The following NBEAL2 variants were observed in gnomAD, a reference collection of about 807,000 sequenced individuals.
The protein encoded by NBEAL2 is neurobeachin like 2, also known as neurobeachin-like protein 2.
In NBEAL2, 160 loss-of-function variants were observed where a neutral mutation model predicts 299.8. The ratio of observed to expected loss-of-function variants is 0.53; its 90% CI spans 0.47 to 0.61. The LOEUF is 0.61. NBEAL2 is among the 20% of genes least tolerant of loss of function. The pLI is 0.00. For synonymous variants in NBEAL2, 1,493 were observed against 1,542.3 expected (o/e 0.97, Z 0.75); for missense variants, 3,112 against 3,649.0 (o/e 0.85, Z 3.79).
At position 47,004,597 on chromosome 3, in the gene NBEAL2, G is replaced by A. The variant is rs752688960; in HGVS notation, c.6294+7G>A. 1 of 1,612,054 alleles carries A rather than the reference G, an allele frequency of 6.2e-7. No homozygotes were observed. The highest frequency in any genetic ancestry group is 1.7e-5 in the Admixed American group (1 of 60,008). The stretch of plus-strand genomic sequence containing the variant: ...CCTGTCTCAGTACCCTGTGGTGAGG[G>A]TCCCACTCTGCACCCCTCCACCCCT... On this transcript the variant is annotated splice_region_variant and intron_variant, in intron 38 of 53. Coordinates refer to ENST00000450053, the MANE Select transcript of NBEAL2 (RefSeq NM_015175.3). The surrounding 1 kb of genome is among the most constrained non-coding windows in gnomAD (Gnocchi z 5.0).
Position 46,999,884 on chromosome 3 carries a change from T to G in NBEAL2, c.3790-5T>G. ...CGTCCTCACTTGCTGTGCTCTCGCC[T>G]GCAGCTTTTCCACCTCATCTACGGA... On this transcript the variant is annotated splice_polypyrimidine_tract_variant and splice_region_variant and intron_variant, in intron 26 of 53. Transcript: ENST00000450053. The G allele has an allele frequency of 6.2e-7, 1 of 1,603,238 alleles. No individual in the cohort carries two copies. Among genetic ancestry groups the G allele is most frequent in the African/African-American group, 1.3e-5 (1 of 74,876 alleles).
In NBEAL2 at chr3:47,001,543, T is replaced by C; in HGVS notation, c.4644+105T>C. Reference sequence around the variant, plus strand: ...ATGGGTACACGTGCGCAGGTGTGGGTGCATCAGCATGAATGCCTGTGAGTG... The same window carrying C: ...ATGGGTACACGTGCGCAGGTGTGGGCGCATCAGCATGAATGCCTGTGAGTG... On this transcript the variant is annotated intron_variant, in intron 29 of 53. Coordinates refer to ENST00000450053, the MANE Select transcript of NBEAL2 (RefSeq NM_015175.3). The surrounding 1 kb of genome is among the most constrained non-coding windows in gnomAD (Gnocchi z 6.1). 6.5e-7 allele frequency: 1 copy of C among 1,548,266 alleles called. No individual in the cohort carries two copies. The highest frequency in any genetic ancestry group is 8.8e-7 in the Non-Finnish European group (1 of 1,142,774).
At chr3:46,984,481 A>G (rs2035565514) in intron 1 of NBEAL2, among the ~76,000 whole-genome samples, 1 of 152,198 alleles carries the variant, frequency 6.6e-6, no homozygotes, top group Admixed American at 6.5e-5. Flanking sequence ...TCCCTGCCCC[A>G]GCAAAGTCCC....
At chr3:46,985,698 A>G (rs1461850358) in intron 1 of NBEAL2, among the ~76,000 whole-genome samples, 4 of 152,084 alleles carry the variant, frequency 2.6e-5, no homozygotes, top group East Asian at 1.9e-4. Context: ...TCACTTACCT[A>G]TGGACCCTGG....
Position 47,003,193 on chromosome 3 carries a change from C to T in NBEAL2, c.5604C>T (p.Pro1868=). The change falls in exon 35 of 54, where the codon CCC becomes CCT. Residue 1868 remains proline, a synonymous_variant. Coordinates refer to ENST00000450053, the MANE Select transcript of NBEAL2 (RefSeq NM_015175.3). This position sits in a 1 kb window ranked among gnomAD's most constrained non-coding sequence, Gnocchi z 7.0. ...TTGCAGGTGAGGTTCCCCTGACACC[C>T]ACCGAGGAGGCCTCACTGCCTCTGG... ...RDNLGEVPLT[P]TEEASLPLAV... 6.2e-7 allele frequency: 1 copy of T among 1,610,286 alleles called. No individual in the cohort carries two copies.
At position 46,992,552 on chromosome 3, in the gene NBEAL2, A is replaced by C. The variant is rs568766266; in HGVS notation, c.1110A>C (p.Gln370His). Reference protein sequence around the residue: ...ATRLLTEPDVQKVLDQDTDAI... With the variant: ...ATRLLTEPDVHKVLDQDTDAI... Reference sequence around the variant, plus strand: ...GGTTACTGACTGAGCCCGATGTCCAAAAGGTACCATCCTGGGGCTGACCAG... The same window carrying C: ...GGTTACTGACTGAGCCCGATGTCCACAAGGTACCATCCTGGGGCTGACCAG... The change falls in exon 10 of 54, where the codon CAA (glutamine) becomes CAC (histidine). Residue 370 changes from glutamine to histidine, a missense_variant. Gln to His is a conservative substitution (Grantham distance 24). Transcript: ENST00000450053. 6.3e-7 allele frequency: 1 copy of C among 1,596,092 alleles called. No homozygotes were observed. The highest frequency in any genetic ancestry group is 1.7e-5 in the Admixed American group (1 of 57,860).
In NBEAL2 at chr3:47,009,609, G is replaced by GT. The variant is rs1375773027; in HGVS notation, c.*292dup. On this transcript the variant is annotated 3_prime_UTR_variant, in exon 54 of 54. Transcript: ENST00000450053. ...GGGGTTCCCCGGCTTCCAAGTCGCT[G>GT]TTTCGTCAAAGCACGAGGGCCGCCT... is the stretch of plus-strand genomic sequence containing the variant. 2.2e-6 allele frequency: 1 copy of GT among 455,124 alleles called. No individual in the cohort carries two copies. The highest frequency in any genetic ancestry group is 2.1e-5 in the African/African-American group (1 of 47,696). 28.2% of individuals were successfully genotyped at this position (455,124 alleles called of 1,614,324 possible).
chr3:46,998,951 A>G lies in NBEAL2; in HGVS notation c.3385-8A>G. On this transcript the variant is annotated splice_region_variant and splice_polypyrimidine_tract_variant and intron_variant, in intron 23 of 53. Transcript: ENST00000450053. ...GGCCCGACACAGTGTGAGACCCTGC[A>G]TCCCCAGGCGGTGGGTGCGCTGGAC... is the stretch of plus-strand genomic sequence containing the variant. 1 of 1,605,562 alleles carries G rather than the reference A, an allele frequency of 6.2e-7. No homozygotes were observed. The highest frequency in any genetic ancestry group is 8.5e-7 in the Non-Finnish European group (1 of 1,176,260).
rs988548484 is a variant in NBEAL2, at chr3:46,979,854, G to A, written c.-8G>A. ...TGGCGCGCAGCAGGGCCGGAGCCGG[G>A]CCGGGCCATGGCCGCCTCGGAGCGG... On this transcript the variant is annotated 5_prime_UTR_variant, in exon 1 of 54. Coordinates refer to ENST00000450053, the MANE Select transcript of NBEAL2 (RefSeq NM_015175.3). The A allele has an allele frequency of 1.2e-4, 56 of 460,882 alleles. 1 individual carries two copies. Among genetic ancestry groups the A allele is most frequent in the Non-Finnish European group, 1.7e-4 (44 of 257,468 alleles). The allele number at this position is 460,882 out of a possible 1,614,324, so 28.5% of individuals were successfully genotyped here.
Position 47,009,089 on chromosome 3 carries a change from A to G in NBEAL2, c.8128A>G (p.Lys2710Glu). The change falls in exon 53 of 54, where the codon AAG becomes GAG. Residue 2710 changes from lysine (K) to glutamate (E), a missense_variant. Transcript: ENST00000450053. Reference sequence around the variant, plus strand: ...CGTGCTGGTGGGCCTGGAGGATGGCAAGCTCATCGTGGTGGTCGCGGGGCA... The same window carrying G: ...CGTGCTGGTGGGCCTGGAGGATGGCGAGCTCATCGTGGTGGTCGCGGGGCA... ...SHVLVGLEDG[K>E]LIVVVAGQPS... 6.2e-7 allele frequency: 1 copy of G among 1,601,182 alleles called. No individual in the cohort carries two copies. The highest frequency in any genetic ancestry group is 1.3e-5 in the African/African-American group (1 of 74,860).
Position 47,001,835 on chromosome 3 carries a change from AGGGTGAGCATG to A in NBEAL2, c.4782+13_4782+23del. The stretch of plus-strand genomic sequence containing the variant: ...TGCTGGAAGACCCACAGGTGAGCAC[AGGGTGAGCATG>A]GGGGCAGGGGGCGTGTGAGATGTCG... On this transcript the variant is annotated intron_variant, in intron 30 of 53. Transcript: ENST00000450053. This position sits in a 1 kb window ranked among gnomAD's most constrained non-coding sequence, Gnocchi z 6.1. 1.2e-6 allele frequency: 2 copies of A among 1,613,442 alleles called. No homozygotes were observed. The highest frequency in any genetic ancestry group is 1.7e-6 in the Non-Finnish European group (2 of 1,179,674).
chr3:46,979,668 T>G lies in NBEAL2; in HGVS notation c.-194T>G. The G allele has an allele frequency of 1.6e-5, 5 of 310,142 alleles. No individual in the cohort carries two copies. The highest frequency in any genetic ancestry group is 2.4e-5 in the Non-Finnish European group (4 of 169,284). 19.2% of individuals were successfully genotyped at this position (310,142 alleles called of 1,614,324 possible). On this transcript the variant is annotated 5_prime_UTR_variant, in exon 1 of 54. Transcript: ENST00000450053. ...CAGGAAGCTGGGCGGCGGCCGGCAG[T>G]GAGGAGGAGGAGCGAGCAGACTTGG...
intron 52 of NBEAL2, 59 bp downstream of exon 52, chr3:47,008,727 A>G (rs2037653430): frequency 1.2e-6 from 2 of 1,602,294 alleles, no homozygotes; most frequent in East Asian, 4.5e-5. Context: ...GGTGTAGGAT[A>G]AAGGCCCTAG....
chr3:47,005,886 G>A, intron 42 of NBEAL2, 39 bp downstream of exon 42: 1 of 1,612,816 alleles, frequency 6.2e-7, no homozygotes, highest in Non-Finnish European at 8.5e-7. Context: ...GGCAGCCGGG[G>A]TTCTGAAGAT....
At chr3:46,994,968 A>G in intron 12 of NBEAL2, 64 bp from the exon 13 acceptor site, 2 of 1,476,326 alleles carry the variant, frequency 1.4e-6, no homozygotes. Flanking sequence ...AAATGGAGCC[A>G]GAAAGTCCCA....
In NBEAL2 at chr3:47,007,155, G is replaced by C. The variant is rs1364696784; in HGVS notation, c.7224G>C (p.Leu2408Phe). 6.2e-7 allele frequency: 1 copy of C among 1,613,434 alleles called. No homozygotes were observed. The highest frequency in any genetic ancestry group is 1.3e-5 in the African/African-American group (1 of 74,904). The change falls in exon 46 of 54, where the codon TTG (leucine) becomes TTC (phenylalanine). Residue 2408 changes from leucine (L) to phenylalanine (F), a missense_variant and splice_region_variant. This residue lies in a region of NBEAL2 where 521 missense variants were observed against 729.6 expected (regional missense o/e 0.71). Coordinates refer to ENST00000450053, the MANE Select transcript of NBEAL2 (RefSeq NM_015175.3). The stretch of plus-strand genomic sequence containing the variant: ...TCACCCAGGGTTCCCCAGACCTGTT[G>C]GTAAGTGCATTGTGCAGAGCCCCAG... Reference protein sequence around the residue: ...SFITQGSPDLLVTVSASGLLG... With the variant: ...SFITQGSPDLFVTVSASGLLG...
At chr3:46,985,922 C>T (rs1313107146) in intron 1 of NBEAL2, among the ~76,000 whole-genome samples, 1 of 152,224 alleles carries the variant, frequency 6.6e-6, no homozygotes, top group Non-Finnish European at 1.5e-5. Flanking sequence ...CCCTCACATG[C>T]AGCACTGCCA....
chr3:47,006,310 G>A (rs370706908), intron 44 of NBEAL2, 23 bp from the exon 45 acceptor site: 25 of 1,601,020 alleles, frequency 1.6e-5, no homozygotes, highest in Middle Eastern at 1.6e-4. Context: ...ATGCCATGGT[G>A]CTGACCAGCC....
intron 9 of NBEAL2, 65 bp from the exon 10 acceptor site, chr3:46,992,409 AC>A: frequency 1.4e-6 from 2 of 1,432,232 alleles, no homozygotes; most frequent in Non-Finnish European, 1.9e-6. Flanking sequence ...CTCTAACCCC[AC>A]CCTCTCCCAT....
Sources: gnomAD v4.1 joint callset for allele counts (sites outside exome capture counted in the v4.1 genomes callset) on GRCh38, gnomAD v4.1.1 for gene constraint, gnomAD v4.1.1 regional missense constraint, Gnocchi (gnomAD v3.1) non-coding constraint, MANE v1.5 for transcripts, NCBI Gene and HGNC (gene_info 2026-07-23, HGNC 2026-07-21) for gene names.